The following SUPT3H variants were observed in gnomAD, a reference collection of about 807,000 sequenced individuals.
The protein encoded by SUPT3H is SPT3 homolog, SAGA and STAGA complex component, also known as transcription initiation protein SPT3 homolog.
Under a neutral mutation model 44.3 loss-of-function variants are expected in SUPT3H, and 44 were observed. The ratio of observed to expected loss-of-function variants is 0.99; its 90% CI spans 0.78 to 1.28. The LOEUF (loss-of-function observed/expected upper bound fraction) is 1.28. Among genes scored for constraint, SUPT3H ranks in the 50% most tolerant of loss-of-function variants. The pLI is 0.00. For synonymous variants in SUPT3H, 124 were observed against 125.6 expected, an observed-to-expected ratio of 0.99 and a Z score of 0.09; for missense variants, 380 against 387.1, an observed-to-expected ratio of 0.98 and a Z score of 0.15.
At chr6:45,336,951 A>G (rs1788689835) in intron 2 of SUPT3H, among the ~76,000 whole-genome samples, 1 of 151,716 alleles carries the variant, frequency 6.6e-6, no homozygotes, top group African/African-American at 2.4e-5. Flanking sequence ...CTGGCATAAA[A>G]ATATTTTTTG....
chr6:45,115,223 C>T (rs559425061), intron 2 of SUPT3H, among the ~76,000 whole-genome samples: 2 of 151,864 alleles, frequency 1.3e-5, no homozygotes, highest in South Asian at 2.1e-4. Context: ...AGACATTTAC[C>T]CGGGGAGTCA....
chr6:45,261,378 T>C (rs546209855), intron 2 of SUPT3H, among the ~76,000 whole-genome samples: 81 of 152,170 alleles, frequency 5.3e-4, no homozygotes, highest in African/African-American at 1.8e-3. Flanking sequence ...CTGACAATGA[T>C]AAAGTAGCCT....
chr6:45,137,294 TAACTC>T (rs760001991), intron 2 of SUPT3H, among the ~76,000 whole-genome samples: 12 of 152,020 alleles, frequency 7.9e-5, no homozygotes, highest in Non-Finnish European at 1.2e-4. Context: ...CATTATGTGA[TAACTC>T]AAATCAATCA....
chr6:44,855,175 T>A (rs1248827436), intron 10 of SUPT3H, among the ~76,000 whole-genome samples: 9 of 152,208 alleles, frequency 5.9e-5, no homozygotes, highest in Admixed American at 5.9e-4. Flanking sequence ...GAGGGTCATA[T>A]AATACCACAC....
At chr6:45,027,640 T>C (rs2153521967) in intron 3 of SUPT3H, among the ~76,000 whole-genome samples, 1 of 152,334 alleles carries the variant, frequency 6.6e-6, no homozygotes, top group South Asian at 2.1e-4. Flanking sequence ...TAGAACGGAT[T>C]CAAACTACAA....
intron 3 of SUPT3H, among the ~76,000 whole-genome samples, chr6:45,033,756 T>A (rs1269498276): frequency 2.0e-5 from 3 of 152,138 alleles, no homozygotes; most frequent in Non-Finnish European, 4.4e-5. Context: ...TCAAAGAGAC[T>A]GCCACAGATT....
In SUPT3H at chr6:45,259,683, T is replaced by C. The variant is rs149451798; in HGVS notation, c.101+105518A>G. 5.9e-5 allele frequency among the ~76,000 whole-genome samples: 9 copies of C among 152,222 alleles called. No homozygotes were observed. The East Asian group carries it at 1.6e-3, about 26-fold the overall frequency. ...TTCTAGTAGAGAAAACTTTAGTGCA[T>C]AGGAACCACCTCTTTTCTAATCAAG... On this transcript the variant is annotated intron_variant, in intron 2 of 10. Coordinates refer to ENST00000371459, the MANE Select transcript of SUPT3H (RefSeq NM_003599.4).
At chr6:44,898,273 G>A (rs372193585) in intron 10 of SUPT3H, among the ~76,000 whole-genome samples, 2 of 152,210 alleles carry the variant, frequency 1.3e-5, no homozygotes, top group African/African-American at 2.4e-5. Flanking sequence ...CATACTGAAT[G>A]TAACAATGGT....
At chr6:45,110,412 T>C (rs1799875777) in intron 2 of SUPT3H, among the ~76,000 whole-genome samples, 1 of 152,212 alleles carries the variant, frequency 6.6e-6, no homozygotes, top group Admixed American at 6.5e-5. Flanking sequence ...TGACTAACAC[T>C]TTTAACATTT....
chr6:44,892,171 A>G (rs892930715), intron 10 of SUPT3H, among the ~76,000 whole-genome samples: 16 of 152,144 alleles, frequency 1.1e-4, no homozygotes, highest in Admixed American at 9.8e-4. Context: ...CAAAATTCAT[A>G]TGTTGAACCC....
intron 2 of SUPT3H, among the ~76,000 whole-genome samples, chr6:45,201,889 T>C (rs1047637821): frequency 4.6e-5 from 7 of 151,942 alleles, no homozygotes; most frequent in African/African-American, 1.4e-4. Context: ...CAGTTTTATA[T>C]TGTTCTGCTT....
chr6:45,125,602 T>C (rs910521967), intron 2 of SUPT3H, among the ~76,000 whole-genome samples: 8 of 152,134 alleles, frequency 5.3e-5, no homozygotes, highest in African/African-American at 9.7e-5. Flanking sequence ...GATTTGTGAT[T>C]TCAGGGATAG....
intron 2 of SUPT3H, among the ~76,000 whole-genome samples, chr6:45,350,265 A>T (rs2024787): frequency 0.15 from 23,032 of 152,188 alleles, 1,986 homozygotes; most frequent in East Asian, 0.26. Context: ...CCACTTGGTA[A>T]TTGTGAATGA....
chr6:45,374,272 CA>C (rs1319012269), intron 1 of SUPT3H, among the ~76,000 whole-genome samples: 1 of 152,200 alleles, frequency 6.6e-6, no homozygotes, highest in African/African-American at 2.4e-5. Context: ...ACATTATTAT[CA>C]CTTCTAGATT....
At chr6:45,290,887 T>G (rs577386409) in intron 2 of SUPT3H, among the ~76,000 whole-genome samples, 4 of 152,020 alleles carry the variant, frequency 2.6e-5, no homozygotes, top group African/African-American at 4.8e-5. Flanking sequence ...AATGGATGGA[T>G]CATGGCAGAC....
At chr6:45,241,786 G>A (rs539397440) in intron 2 of SUPT3H, among the ~76,000 whole-genome samples, 44 of 151,968 alleles carry the variant, frequency 2.9e-4, no homozygotes, top group African/African-American at 9.9e-4. Context: ...AATGGAAGGG[G>A]GAAAAAGAAA....
At chr6:45,134,988 C>A (rs1335624637) in intron 2 of SUPT3H, among the ~76,000 whole-genome samples, 4 of 152,150 alleles carry the variant, frequency 2.6e-5, no homozygotes, top group African/African-American at 9.7e-5. Flanking sequence ...ATCACCTTGG[C>A]CCCAAATGTC....
intron 2 of SUPT3H, among the ~76,000 whole-genome samples, chr6:45,354,118 T>G (rs897128215): frequency 4.6e-5 from 7 of 152,002 alleles, no homozygotes; most frequent in Admixed American, 4.6e-4. Flanking sequence ...GTAGGAAAAA[T>G]TAGGAAGTTA....
At chr6:44,975,102 C>T (rs1338197645) in intron 6 of SUPT3H, among the ~76,000 whole-genome samples, 3 of 151,924 alleles carry the variant, frequency 2.0e-5, no homozygotes, top group South Asian at 2.1e-4. Context: ...ACCCAGGAGG[C>T]GGAGGGTGCA....
Sources: gnomAD v4.1 joint callset for allele counts (sites outside exome capture counted in the v4.1 genomes callset) on GRCh38, gnomAD v4.1.1 for gene constraint, MANE v1.5 for transcripts, NCBI Gene and HGNC (gene_info 2026-07-23, HGNC 2026-07-21) for gene names.